The following CSMD1 variants were observed in gnomAD, a reference collection of about 807,000 sequenced individuals.
CSMD1 encodes CUB and Sushi multiple domains 1.
Under a neutral mutation model 417.5 loss-of-function variants are expected in CSMD1, and 213 were observed. That is an observed-to-expected ratio of 0.51 (90% CI 0.46 to 0.57). The LOEUF is 0.57. Ranked by LOEUF, CSMD1 falls within the 20% of genes least tolerant of loss-of-function variation. The pLI is 0.00. For synonymous variants in CSMD1, 2,862 were observed against 1,736.8 expected (o/e 1.65, Z -16.11); for missense variants, 6,923 against 4,529.7 (o/e 1.53, Z -15.17).
chr8:3,606,411 A>G (rs964984543), intron 8 of CSMD1, among the ~76,000 whole-genome samples: 1 of 152,142 alleles, frequency 6.6e-6, no homozygotes, highest in African/African-American at 2.4e-5. Context: ...ATTGAACACA[A>G]TGGTAAGTGT....
At chr8:3,955,331 G>C (rs1468656456) in intron 5 of CSMD1, among the ~76,000 whole-genome samples, 2 of 152,166 alleles carry the variant, frequency 1.3e-5, no homozygotes, top group East Asian at 3.9e-4. Flanking sequence ...GAAACTCCAT[G>C]TTACGCCACA....
At chr8:4,035,005 G>A (rs1382707326) in intron 3 of CSMD1, among the ~76,000 whole-genome samples, 1 of 152,108 alleles carries the variant, frequency 6.6e-6, no homozygotes, top group Non-Finnish European at 1.5e-5. Context: ...TGTTAAAAGG[G>A]CCTGAAATTA....
At chr8:3,422,113 C>T (rs1005510707) in intron 12 of CSMD1, among the ~76,000 whole-genome samples, 4 of 152,298 alleles carry the variant, frequency 2.6e-5, no homozygotes, top group African/African-American at 7.2e-5. Flanking sequence ...ACTAGATGAT[C>T]AATGAAATCT....
chr8:4,351,152 C>CT (rs1233129156), intron 3 of CSMD1, among the ~76,000 whole-genome samples: 1 of 148,582 alleles, frequency 6.7e-6, no homozygotes, highest in East Asian at 2.0e-4. Context: ...GGTCCCATCT[C>CT]TAAAAAAAAA....
At chr8:4,333,248 A>T (rs1799978167) in intron 3 of CSMD1, among the ~76,000 whole-genome samples, 1 of 152,236 alleles carries the variant, frequency 6.6e-6, no homozygotes, top group Admixed American at 6.5e-5. Flanking sequence ...CCCTGGACAC[A>T]ATTCTATTAA....
At chr8:3,170,985 G>C (rs950537617) in intron 37 of CSMD1, among the ~76,000 whole-genome samples, 3 of 152,176 alleles carry the variant, frequency 2.0e-5, no homozygotes, top group African/African-American at 7.2e-5. Context: ...TTTTTAGCCG[G>C]ATATAATTAA....
intron 6 of CSMD1, among the ~76,000 whole-genome samples, chr8:3,738,424 A>G (rs542552951): frequency 1.3e-5 from 2 of 152,328 alleles, no homozygotes; most frequent in East Asian, 3.9e-4. Flanking sequence ...CACACCTTTT[A>G]TTTATTTCAA....
chr8:3,259,381 G>T (rs1305136330), intron 26 of CSMD1, among the ~76,000 whole-genome samples: 2 of 152,162 alleles, frequency 1.3e-5, no homozygotes, highest in African/African-American at 2.4e-5. Flanking sequence ...CATGGAGGCT[G>T]CAGGTTTACG....
At chr8:4,113,774 T>C (rs908810504) in intron 3 of CSMD1, among the ~76,000 whole-genome samples, 2 of 152,158 alleles carry the variant, frequency 1.3e-5, no homozygotes, top group Non-Finnish European at 2.9e-5. Context: ...GAGAAAGTTT[T>C]CAAGTTATCT....
chr8:3,758,938 A>C (rs1797832605), intron 5 of CSMD1, among the ~76,000 whole-genome samples: 1 of 152,214 alleles, frequency 6.6e-6, no homozygotes, highest in Admixed American at 6.6e-5. Context: ...GCCTGTGGAC[A>C]AAGGTCAGAG....
intron 3 of CSMD1, among the ~76,000 whole-genome samples, chr8:4,155,807 C>A (rs546698189): frequency 6.6e-6 from 1 of 152,122 alleles, no homozygotes; most frequent in Non-Finnish European, 1.5e-5. Context: ...AAGGGGAATA[C>A]ACAAAGCTGC....
At chr8:3,260,588 C>T (rs924675110) in intron 26 of CSMD1, among the ~76,000 whole-genome samples, 1 of 151,790 alleles carries the variant, frequency 6.6e-6, no homozygotes, top group Non-Finnish European at 1.5e-5. Flanking sequence ...AACAAACCCC[C>T]CTCGAAGAGC....
intron 2 of CSMD1, among the ~76,000 whole-genome samples, chr8:4,491,080 C>G (rs1035369271): frequency 6.6e-5 from 10 of 152,118 alleles, no homozygotes; most frequent in African/African-American, 2.4e-4. Context: ...CCTAATAAGA[C>G]ATGAGCTATT....
Position 4,432,721 on chromosome 8 carries a change from G to C in CSMD1, c.303-12656C>G, listed in dbSNP as rs928426229. On this transcript the variant is annotated intron_variant, in intron 2 of 69. Coordinates refer to ENST00000635120, the MANE Select transcript of CSMD1 (RefSeq NM_033225.6). The stretch of plus-strand genomic sequence containing the variant: ...TCCAGAGCCTGTGCTTTTAACTCCT[G>C]AAAGTTCACAGGAGATTTCAAACCA... 2.0e-4 allele frequency among the ~76,000 whole-genome samples: 30 copies of C among 152,128 alleles called. 1 individual carries two copies. The highest frequency in any genetic ancestry group is 1.3e-4 in the Non-Finnish European group (9 of 68,030).
At chr8:4,909,670 C>A (rs1056834056) in intron 1 of CSMD1, among the ~76,000 whole-genome samples, 3 of 152,116 alleles carry the variant, frequency 2.0e-5, no homozygotes, top group Admixed American at 6.5e-5. Context: ...AGACTGCACA[C>A]CCCCGGATTT....
intron 2 of CSMD1, among the ~76,000 whole-genome samples, chr8:4,456,013 AAC>A (rs1468294166): frequency 1.4e-5 from 2 of 139,898 alleles, no homozygotes; most frequent in African/African-American, 5.3e-5. Context: ...TCTTCTCCTT[AAC>A]ACAGTCCATT....
intron 2 of CSMD1, among the ~76,000 whole-genome samples, chr8:4,453,543 C>T (rs796842749): frequency 6.6e-6 from 1 of 152,194 alleles, no homozygotes; most frequent in African/African-American, 2.4e-5. Context: ...ACACAGCCGA[C>T]AGAATAACTT....
intron 12 of CSMD1, among the ~76,000 whole-genome samples, chr8:3,422,787 A>C (rs983069564): frequency 1.3e-5 from 2 of 152,200 alleles, no homozygotes; most frequent in African/African-American, 4.8e-5. Flanking sequence ...CTCATGGTTC[A>C]AGAGGCTAGG....
intron 1 of CSMD1, among the ~76,000 whole-genome samples, chr8:4,889,319 G>A (rs1253693050): frequency 6.6e-6 from 1 of 152,056 alleles, no homozygotes; most frequent in African/African-American, 2.4e-5. Context: ...TCAAATTGAG[G>A]AGAATTTTAT....
Sources: gnomAD v4.1 joint callset for allele counts (sites outside exome capture counted in the v4.1 genomes callset) on GRCh38, gnomAD v4.1.1 for gene constraint, MANE v1.5 for transcripts, NCBI Gene and HGNC (gene_info 2026-07-23, HGNC 2026-07-21) for gene names.